Variants in HDAC1 observed in about 807,000 individuals in gnomAD.
The protein encoded by HDAC1 is protein deacetylase HDAC1.
In HDAC1, 18 loss-of-function variants were observed where a neutral mutation model predicts 65.5. That is an observed-to-expected ratio of 0.27 (90% CI 0.19 to 0.41). The LOEUF is 0.41. Among genes scored for constraint, HDAC1 ranks in the 10% least tolerant of loss-of-function variants. The pLI is 1.00. For synonymous variants in HDAC1, 211 were observed against 227.9 expected, an observed-to-expected ratio of 0.93 and a Z score of 0.67; for missense variants, 373 against 625.2, an observed-to-expected ratio of 0.60 and a Z score of 4.30.
intron 3 of HDAC1, among the ~76,000 whole-genome samples, chr1:32,321,685 G>T (rs886461323): frequency 1.3e-5 from 2 of 152,136 alleles, no homozygotes; most frequent in Non-Finnish European, 2.9e-5. Flanking sequence ...GAATAAAAGG[G>T]CTGGTCATTT....
intron 2 of HDAC1, among the ~76,000 whole-genome samples, chr1:32,315,959 C>A (rs1379690113): frequency 1.4e-5 from 2 of 147,758 alleles, no homozygotes; most frequent in Admixed American, 6.8e-5. Context: ...AGTGAGACTC[C>A]GCCTCAAAAC....
chr1:32,298,580 T>A (rs1296549863), intron 1 of HDAC1, among the ~76,000 whole-genome samples: 1 of 152,230 alleles, frequency 6.6e-6, no homozygotes, highest in African/African-American at 2.4e-5. Flanking sequence ...GGATTCAGAT[T>A]TGGCTCTGCC....
chr1:32,297,777 A>ATTTTTTTTT lies in HDAC1; in HGVS notation c.50-4822_50-4814dup, dbSNP rs71571709. On this transcript the variant is annotated intron_variant, in intron 1 of 13. Coordinates refer to ENST00000373548, the MANE Select transcript of HDAC1 (RefSeq NM_004964.3). ...AGGCGCATGACACTACGCCTGGCTA[A>ATTTTTTTTT]TTTTTTTTTTTTTTTTTTTTTTTTT... is the stretch of plus-strand genomic sequence containing the variant. Among the ~76,000 whole-genome samples, 4 of 72,146 alleles carry ATTTTTTTTT rather than the reference A, an allele frequency of 5.5e-5. 1 individual carries two copies. Among genetic ancestry groups the ATTTTTTTTT allele is most frequent in the African/African-American group, 2.5e-4 (4 of 16,084 alleles). 47.3% of individuals were successfully genotyped at this position (72,146 alleles called of 152,430 possible). A position where few individuals can be genotyped will look rare whatever the true frequency, so the allele number is the denominator to read the frequency against.
chr1:32,294,340 G>A (rs890487051), intron 1 of HDAC1, among the ~76,000 whole-genome samples: 3 of 151,578 alleles, frequency 2.0e-5, no homozygotes, highest in Non-Finnish European at 2.9e-5. Context: ...TTAGAGATGG[G>A]GTTTCACGAT....
chr1:32,333,553 T>TA lies in HDAC1; in HGVS notation c.*510dup, dbSNP rs1375117442. ...TCCTAATTCTGCAGGTGGAGGTTGCTAGTCTAGTTTCCTTTTTGAGATACT... is the reference window on the plus strand; with the variant it reads ...TCCTAATTCTGCAGGTGGAGGTTGCTAAGTCTAGTTTCCTTTTTGAGATACT... On this transcript the variant is annotated 3_prime_UTR_variant, in exon 14 of 14. Coordinates refer to ENST00000373548, the MANE Select transcript of HDAC1 (RefSeq NM_004964.3). 6.6e-6 allele frequency: 1 copy of TA among 152,642 alleles called. No homozygotes were observed. The highest frequency in any genetic ancestry group is 1.9e-4 in the East Asian group (1 of 5,216). The allele number at this position is 152,642 out of a possible 1,614,324, so 9.5% of individuals were successfully genotyped here. A position where few individuals can be genotyped will look rare whatever the true frequency, so the allele number is the denominator to read the frequency against.
Position 32,330,402 on chromosome 1 carries a change from T to G in HDAC1, c.730-176T>G. ...TAGAGAACTTTTTAAATTGGAAAAT[T>G]GAAATCCCAAGTGGGCAAGCAAGGG... is the stretch of plus-strand genomic sequence containing the variant. On this transcript the variant is annotated intron_variant, in intron 7 of 13. Transcript: ENST00000373548. This position sits in a 1 kb window ranked among gnomAD's most constrained non-coding sequence, Gnocchi z 4.2. 31 of 612,922 alleles carry G rather than the reference T, an allele frequency of 5.1e-5. No individual in the cohort carries two copies. In the South Asian group the frequency reaches 5.8e-4, roughly 12 times the overall value. The allele number at this position is 612,922 out of a possible 1,614,324, so 38.0% of individuals were successfully genotyped here. A position where few individuals can be genotyped will look rare whatever the true frequency, so the allele number is the denominator to read the frequency against.
chr1:32,301,445 CAA>C (rs1164283157), intron 1 of HDAC1, among the ~76,000 whole-genome samples: 1 of 144,520 alleles, frequency 6.9e-6, no homozygotes, highest in Non-Finnish European at 1.5e-5. Flanking sequence ...GACTCTGTCT[CAA>C]AAAAATAAAT....
chr1:32,326,495 C>T (rs1462058682), intron 4 of HDAC1, among the ~76,000 whole-genome samples: 1 of 152,018 alleles, frequency 6.6e-6, no homozygotes, highest in Non-Finnish European at 1.5e-5. Context: ...AGTTCCTTGA[C>T]CATGAGCCAT....
chr1:32,324,530 A>G lies in HDAC1; in HGVS notation c.332A>G (p.Gln111Arg). The G allele has an allele frequency of 6.2e-7, 1 of 1,612,260 alleles. No individual in the cohort carries two copies. ...PVFDGLFEFC[Q>R]LSTGGSVASA... is the part of the protein sequence containing the mutation. ...TTCGATGGCCTGTTTGAGTTCTGTC[A>G]GTTGTCTACTGGTGGTTCTGTGGGT... The change falls in exon 4 of 14, where the codon CAG becomes CGG. Residue 111 changes from glutamine to arginine, a missense_variant. Physicochemically the swap from Gln to Arg is conservative, Grantham distance 43 (BLOSUM62 1). Transcript: ENST00000373548.
intron 3 of HDAC1, among the ~76,000 whole-genome samples, chr1:32,324,108 A>G (rs1641184341): frequency 6.6e-6 from 1 of 151,910 alleles, no homozygotes; most frequent in African/African-American, 2.4e-5. Context: ...TCTAAAAAAA[A>G]AAAAAAGAAA....
intron 2 of HDAC1, among the ~76,000 whole-genome samples, chr1:32,310,897 GGA>G (rs900857899): frequency 6.7e-6 from 1 of 149,790 alleles, no homozygotes; most frequent in African/African-American, 2.5e-5. Flanking sequence ...GGAGAGGGAG[GGA>G]GAGAGAGAAA....
chr1:32,292,103 C>A lies in HDAC1; in HGVS notation c.-67C>A. ...CCCGCCCCCTCCCCCCTGGGTCGGA[C>A]GCTGAGCGGAGCCGCGGGCGGGAGG... On this transcript the variant is annotated 5_prime_UTR_variant, in exon 1 of 14. Coordinates refer to ENST00000373548, the MANE Select transcript of HDAC1 (RefSeq NM_004964.3). 5 of 1,489,984 alleles carry A rather than the reference C, an allele frequency of 3.4e-6. No homozygotes were observed. Among genetic ancestry groups the A allele is most frequent in the African/African-American group, 2.8e-5 (2 of 71,958 alleles). The allele number at this position is 1,489,984 out of a possible 1,614,324, so 92.3% of individuals were successfully genotyped here.
chr1:32,320,203 G>C (rs1035975525), intron 3 of HDAC1, among the ~76,000 whole-genome samples: 11 of 150,832 alleles, frequency 7.3e-5, no homozygotes, highest in African/African-American at 2.7e-4. Flanking sequence ...TTGGGCGACA[G>C]AGCGAGACTC....
intron 1 of HDAC1, among the ~76,000 whole-genome samples, chr1:32,293,912 A>AG (rs1640731744): frequency 6.6e-6 from 1 of 151,418 alleles, no homozygotes; most frequent in Non-Finnish European, 1.5e-5. Context: ...AAAAAAAAAA[A>AG]AAAAAATTAG....
chr1:32,326,457 G>A (rs1218928570), intron 4 of HDAC1, among the ~76,000 whole-genome samples: 4 of 152,014 alleles, frequency 2.6e-5, no homozygotes, highest in East Asian at 3.9e-4. Flanking sequence ...GAGCCACCGC[G>A]CATGGCCTAT....
Position 32,318,567 on chromosome 1 carries a change from GAC to G in HDAC1, c.280+1787_280+1788del, listed in dbSNP as rs1557607362. ...AACAGAGCGAGACCAAAAAAAAAAA[GAC>G]ATTAGTGCCTATTTCATAGTCAAGG... On this transcript the variant is annotated intron_variant, in intron 3 of 13. Coordinates refer to ENST00000373548, the MANE Select transcript of HDAC1 (RefSeq NM_004964.3). Among the ~76,000 whole-genome samples the G allele has an allele frequency of 1.1e-4, 16 of 148,680 alleles. No individual in the cohort carries two copies. The East Asian group carries it at 3.2e-3, about 29-fold the overall frequency.
intron 4 of HDAC1, among the ~76,000 whole-genome samples, chr1:32,326,623 C>CT (rs1384739966): frequency 1.3e-5 from 2 of 151,924 alleles, no homozygotes; most frequent in Non-Finnish European, 2.9e-5. Context: ...TACTGTTACT[C>CT]TGATATTTTT....
At chr1:32,328,794 C>A (rs1226385662) in intron 6 of HDAC1, among the ~76,000 whole-genome samples, 2 of 152,200 alleles carry the variant, frequency 1.3e-5, no homozygotes, top group Non-Finnish European at 2.9e-5. Flanking sequence ...AGGTAGAAAT[C>A]TTGTGCTATA....
chr1:32,327,742 T>C lies in HDAC1; in HGVS notation c.636+65T>C. ...CTGGCAGCTCTACTTCTCTCTCCTA[T>C]CTCATGCCACTAAAAATTGCTTCTT... On this transcript the variant is annotated intron_variant, in intron 6 of 13. Transcript: ENST00000373548. The surrounding 1 kb of genome is among the most constrained non-coding windows in gnomAD (Gnocchi z 6.0). 6.7e-7 allele frequency: 1 copy of C among 1,494,402 alleles called. No homozygotes were observed. Among genetic ancestry groups the C allele is most frequent in the Non-Finnish European group, 9.3e-7 (1 of 1,072,794 alleles). The allele number at this position is 1,494,402 out of a possible 1,614,324, so 92.6% of individuals were successfully genotyped here.
Sources: gnomAD v4.1 joint callset for allele counts (sites outside exome capture counted in the v4.1 genomes callset) on GRCh38, gnomAD v4.1.1 for gene constraint, Gnocchi (gnomAD v3.1) non-coding constraint, MANE v1.5 for transcripts, NCBI Gene and HGNC (gene_info 2026-07-23, HGNC 2026-07-21) for gene names.